Variants in DIP2C observed in about 807,000 individuals in gnomAD.
The protein encoded by DIP2C is DIP2 acetate--CoA ligase C (putative).
In DIP2C, 33 loss-of-function variants were observed where a neutral mutation model predicts 192.4. The ratio of observed to expected loss-of-function variants is 0.17; its 90% CI spans 0.13 to 0.23. The LOEUF (loss-of-function observed/expected upper bound fraction) is 0.23, where lower values mean the gene tolerates loss of function less well. Among genes scored for constraint, DIP2C ranks in the 10% least tolerant of loss-of-function variants. DIP2C has a pLI of 1.00. For missense variants in DIP2C, 1,537 were observed against 2,110.1 expected (o/e 0.73, Z 5.32); for synonymous variants, 979 against 864.1 (o/e 1.13, Z -2.33).
Position 344,862 on chromosome 10 carries a change from G to C in DIP2C, c.3400C>G (p.Leu1134Val), listed in dbSNP as rs1441716390. The C allele has an allele frequency of 6.2e-7, 1 of 1,606,896 alleles. No homozygotes were observed. Among genetic ancestry groups the C allele is most frequent in the East Asian group, 2.2e-5 (1 of 44,724 alleles). The change falls in exon 28 of 37, where the codon CTT (leucine) becomes GTT (valine). Residue 1134 changes from leucine to valine, a missense_variant. Leu to Val is a conservative substitution (Grantham distance 32). Around this residue, in one of 4 missense-constraint regions of DIP2C, gnomAD observed 46 missense variants for 28.9 expected, o/e 1.59. Coordinates refer to ENST00000280886, the MANE Select transcript of DIP2C (RefSeq NM_014974.3). ...GACACGCTGAAGTCGAGATATGCAAGAGTGTCTGGGTTGCAAGGTTTGCAG... is the reference window on the plus strand; with the variant it reads ...GACACGCTGAAGTCGAGATATGCAACAGTGTCTGGGTTGCAAGGTTTGCAG... Reference protein sequence around the residue: ...QICKPCNPDTLAYLDFSVSTT... With the variant: ...QICKPCNPDTVAYLDFSVSTT...
At chr10:390,467 C>A in intron 11 of DIP2C, 94 bp from the exon 12 acceptor site, 1 of 1,250,680 alleles carries the variant, frequency 8.0e-7, no homozygotes, top group Non-Finnish European at 1.2e-6. Context: ...TCAAACACGT[C>A]AACTAGATCG....
intron 15 of DIP2C, 147 bp downstream of exon 15, chr10:384,399 G>C: frequency 1.1e-6 from 1 of 914,784 alleles, no homozygotes; most frequent in Non-Finnish European, 1.6e-6. Flanking sequence ...CATCAGGCCT[G>C]GCTAATTTTT....
At chr10:284,321 G>A (rs1215629212) in intron 34 of DIP2C, among the ~76,000 whole-genome samples, 1 of 152,210 alleles carries the variant, frequency 6.6e-6, no homozygotes, top group African/African-American at 2.4e-5. Context: ...GTGAAACTGA[G>A]AGAGACAGTG....
At chr10:617,085 A>T (rs1001469663) in intron 1 of DIP2C, among the ~76,000 whole-genome samples, 1 of 152,186 alleles carries the variant, frequency 6.6e-6, no homozygotes, top group Non-Finnish European at 1.5e-5. Flanking sequence ...CGGGGTTCAC[A>T]GGCCCAGAGG....
chr10:553,894 AG>A (rs1224968358), intron 1 of DIP2C, among the ~76,000 whole-genome samples: 1 of 152,012 alleles, frequency 6.6e-6, no homozygotes, highest in Non-Finnish European at 1.5e-5. Flanking sequence ...TATACCTCAT[AG>A]AAAAAAGGTA....
intron 8 of DIP2C, among the ~76,000 whole-genome samples, chr10:410,998 G>C (rs186260904): frequency 6.6e-6 from 1 of 152,338 alleles, no homozygotes; most frequent in Non-Finnish European, 1.5e-5. Context: ...CAACTGAACA[G>C]AGTGTAACTG....
At chr10:594,350 G>A (rs1390813079) in intron 1 of DIP2C, among the ~76,000 whole-genome samples, 1 of 152,116 alleles carries the variant, frequency 6.6e-6, no homozygotes, top group African/African-American at 2.4e-5. Context: ...ACCTGGCACG[G>A]CCGAGTACAA....
In DIP2C at chr10:363,166, G is replaced by A. The variant is rs1959741677; in HGVS notation, c.2592+31C>T. 1.9e-6 allele frequency: 3 copies of A among 1,589,492 alleles called. No individual in the cohort carries two copies. The highest frequency in any genetic ancestry group is 2.6e-6 in the Non-Finnish European group (3 of 1,159,994). On this transcript the variant is annotated intron_variant, in intron 21 of 36. Transcript: ENST00000280886. The surrounding 1 kb of genome is among the most constrained non-coding windows in gnomAD (Gnocchi z 5.4). ...TAAGGAGGCCAGAAACAAGACACAGGGGACCAGTGCCCAGGGCGAGGGAGG... is the reference window on the plus strand; with the variant it reads ...TAAGGAGGCCAGAAACAAGACACAGAGGACCAGTGCCCAGGGCGAGGGAGG...
intron 2 of DIP2C, among the ~76,000 whole-genome samples, chr10:480,095 G>C (rs1371752627): frequency 6.6e-6 from 1 of 150,662 alleles, no homozygotes; most frequent in East Asian, 2.0e-4. Flanking sequence ...CTGAGCTCCG[G>C]TCCACGCTCA....
At chr10:417,629 AGGGCT>A (rs1965742767) in intron 6 of DIP2C, among the ~76,000 whole-genome samples, 1 of 19,036 alleles carries the variant, frequency 5.3e-5, no homozygotes, top group Non-Finnish European at 1.3e-4. Context: ...TGCGCCTGTC[AGGGCT>A]CGGATAGGCC....
intron 31 of DIP2C, among the ~76,000 whole-genome samples, chr10:314,377 C>G (rs1956686988): frequency 6.6e-6 from 1 of 152,236 alleles, no homozygotes; most frequent in Non-Finnish European, 1.5e-5. Context: ...CTCTTCCCAT[C>G]TTTCCTGACC....
At chr10:481,176 C>T (rs532637015) in intron 2 of DIP2C, among the ~76,000 whole-genome samples, 56 of 152,326 alleles carry the variant, frequency 3.7e-4, no homozygotes, top group African/African-American at 1.2e-3. Context: ...TCTGCTGACA[C>T]GAGGAATCAG....
intron 1 of DIP2C, among the ~76,000 whole-genome samples, chr10:559,696 A>G (rs1849094763): frequency 6.6e-6 from 1 of 152,152 alleles, no homozygotes; most frequent in Non-Finnish European, 1.5e-5. Flanking sequence ...CATGCCCCTC[A>G]GGGTCACACA....
chr10:532,316 C>A (rs1161413426), intron 1 of DIP2C, among the ~76,000 whole-genome samples: 2 of 152,144 alleles, frequency 1.3e-5, no homozygotes, highest in Non-Finnish European at 2.9e-5. Context: ...GCTTCTAAGG[C>A]CCTTAAGCCA....
At chr10:471,590 G>A (rs192900510) in intron 3 of DIP2C, among the ~76,000 whole-genome samples, 2 of 152,162 alleles carry the variant, frequency 1.3e-5, no homozygotes, top group African/African-American at 2.4e-5. Flanking sequence ...AAAACAAAGG[G>A]ATTCACGAAT....
chr10:485,034 A>C, intron 2 of DIP2C: 9 of 1,441,336 alleles, frequency 6.2e-6, no homozygotes, highest in Admixed American at 2.1e-5. Flanking sequence ...TGCCGACCCC[A>C]TGCAGGACAG....
intron 17 of DIP2C, among the ~76,000 whole-genome samples, chr10:373,212 C>G (rs1961199628): frequency 6.6e-6 from 1 of 152,148 alleles, no homozygotes; most frequent in South Asian, 2.1e-4. Flanking sequence ...CTGCTCTCTT[C>G]TTTTTATAAA....
At chr10:611,992 A>G (rs1853128568) in intron 1 of DIP2C, among the ~76,000 whole-genome samples, 1 of 152,086 alleles carries the variant, frequency 6.6e-6, no homozygotes, top group African/African-American at 2.4e-5. Context: ...GATCTATTAT[A>G]GTTAAAATCA....
chr10:393,787 A>AAAAAAAAAAAG (rs1963692476), intron 10 of DIP2C, among the ~76,000 whole-genome samples: 1 of 148,052 alleles, frequency 6.8e-6, no homozygotes, highest in Non-Finnish European at 1.5e-5. Context: ...TCAAAAAAAA[A>AAAAAAAAAAAG]AAAAAAAAAG....
Sources: allele counts gnomAD v4.1 joint callset (sites outside exome capture counted in the v4.1 genomes callset), GRCh38; gene constraint gnomAD v4.1.1; regional missense constraint gnomAD v4.1.1; non-coding constraint Gnocchi (gnomAD v3.1); transcripts MANE v1.5; gene names NCBI Gene and HGNC (gene_info 2026-07-23, HGNC 2026-07-21).